Variants in PRLR observed in about 807,000 individuals in gnomAD.
PRLR encodes prolactin receptor, also known as hPRL receptor.
A neutral mutation model predicts 40.2 loss-of-function variants in PRLR; 13 were observed. The ratio of observed to expected loss-of-function variants is 0.32; its 90% CI spans 0.21 to 0.51. The LOEUF is 0.51. PRLR is among the 20% of genes least tolerant of loss of function. The pLI is 0.97. For synonymous variants in PRLR, 269 were observed against 278.7 expected (o/e 0.97, Z 0.35); for missense variants, 656 against 747.3 (o/e 0.88, Z 1.42).
intron 1 of PRLR, among the ~76,000 whole-genome samples, chr5:35,220,060 C>T (rs999521065): frequency 2.6e-5 from 4 of 152,128 alleles, no homozygotes; most frequent in African/African-American, 7.2e-5. Context: ...CTTGTACTTC[C>T]GATCAGCCTC....
intron 1 of PRLR, among the ~76,000 whole-genome samples, chr5:35,145,024 G>A (rs886932842): frequency 1.3e-5 from 2 of 152,154 alleles, no homozygotes; most frequent in African/African-American, 4.8e-5. Flanking sequence ...AATATATTAG[G>A]AGAATGGTGC....
chr5:35,155,337 G>T (rs1282147809), intron 1 of PRLR, among the ~76,000 whole-genome samples: 2 of 152,044 alleles, frequency 1.3e-5, no homozygotes, highest in Non-Finnish European at 2.9e-5. Context: ...CTGAGGTGAG[G>T]TGTGTGGCCA....
intron 1 of PRLR, chr5:35,194,957 A>G (rs1299641618): frequency 6.6e-6 from 1 of 152,226 alleles, no homozygotes; most frequent in East Asian, 1.9e-4. Context: ...TAAACATACC[A>G]CACGAACATA....
chr5:35,228,754 G>T (rs1327692909), intron 1 of PRLR, among the ~76,000 whole-genome samples: 1 of 152,164 alleles, frequency 6.6e-6, no homozygotes, highest in South Asian at 2.1e-4. Context: ...CATGACAGGG[G>T]AGCTGTCTCC....
chr5:35,049,189 G>A (rs893081937), exon 9 of PRLR: 2 of 700,538 alleles, frequency 2.9e-6, no homozygotes, highest in African/African-American at 3.5e-5. Context: ...TGAGGCCAGT[G>A]GACACACAGC....
At chr5:35,132,097 C>T (rs560081768) in intron 1 of PRLR, among the ~76,000 whole-genome samples, 140 of 152,238 alleles carry the variant, frequency 9.2e-4, no homozygotes, top group African/African-American at 3.2e-3. Context: ...TAGCATGTAT[C>T]CCCAGAAAAG....
rs1768844822 is a variant in PRLR at position 35,058,469 on chromosome 5, GCTGA to G, written c.*6616_*6619del. The stretch of plus-strand genomic sequence containing the variant: ...CAGTCACATGAAACAAAGCCGAGAG[GCTGA>G]CTTTCAAACAACTGTTGGATTGTAC... On this transcript the variant is annotated 3_prime_UTR_variant, in exon 10 of 10. Transcript: ENST00000618457. 3 of 152,318 alleles carry G rather than the reference GCTGA, an allele frequency of 2.0e-5. 1 individual carries two copies. The highest frequency in any genetic ancestry group is 4.1e-4 in the South Asian group (2 of 4,830). The allele number at this position is 152,318 out of a possible 1,614,324, so 9.4% of individuals were successfully genotyped here.
At chr5:35,092,466 C>G (rs150759548) in intron 2 of PRLR, among the ~76,000 whole-genome samples, 6 of 152,342 alleles carry the variant, frequency 3.9e-5, no homozygotes, top group African/African-American at 1.2e-4. Context: ...CAAGGAGATG[C>G]TTCTCAGCAC....
chr5:35,170,578 T>C (rs534304253), intron 1 of PRLR, among the ~76,000 whole-genome samples: 10 of 152,212 alleles, frequency 6.6e-5, no homozygotes, highest in African/African-American at 2.4e-4. Context: ...GGTGGGAGGA[T>C]TGTTTGAGCC....
At chr5:35,180,637 C>A (rs1775272018) in intron 1 of PRLR, among the ~76,000 whole-genome samples, 1 of 151,890 alleles carries the variant, frequency 6.6e-6, no homozygotes, top group African/African-American at 2.4e-5. Context: ...GCACAACGTG[C>A]AGGTTTGTTA....
rs1440640564 is a variant in PRLR, at chr5:35,064,105, C to T, written c.*984G>A. The T allele has an allele frequency of 3.3e-5, 5 of 152,088 alleles. No individual in the cohort carries two copies. Among genetic ancestry groups the T allele is most frequent in the Admixed American group, 1.3e-4 (2 of 15,262 alleles). The allele number at this position is 152,088 out of a possible 1,614,324, so 9.4% of individuals were successfully genotyped here. On this transcript the variant is annotated 3_prime_UTR_variant, in exon 10 of 10. Coordinates refer to ENST00000618457, the MANE Select transcript of PRLR (RefSeq NM_000949.7). ...CTTGCAGCAGAAAATACTGTACCCA[C>T]TGAATACATAAACAGCTGTACTGGG...
chr5:35,174,892 C>T (rs757863062), intron 1 of PRLR, among the ~76,000 whole-genome samples: 50 of 152,220 alleles, frequency 3.3e-4, no homozygotes, highest in Admixed American at 2.6e-3. Flanking sequence ...TTCTGGCTCA[C>T]ACTTGACAAG....
chr5:35,078,040 GA>G (rs1245281939), intron 5 of PRLR, among the ~76,000 whole-genome samples: 1 of 152,174 alleles, frequency 6.6e-6, no homozygotes, highest in Non-Finnish European at 1.5e-5. Flanking sequence ...GAATCTCTGG[GA>G]CACATTTAAA....
Position 35,060,885 on chromosome 5 carries a change from A to G in PRLR, c.*4204T>C, listed in dbSNP as rs867594962. The G allele has an allele frequency of 5.3e-5, 8 of 152,218 alleles. No homozygotes were observed. Among genetic ancestry groups the G allele is most frequent in the Non-Finnish European group, 8.8e-5 (6 of 68,038 alleles). The allele number at this position is 152,218 out of a possible 1,614,324, so 9.4% of individuals were successfully genotyped here. On this transcript the variant is annotated 3_prime_UTR_variant, in exon 10 of 10. Transcript: ENST00000618457. ...GCCAATGACATTCAAAAATGTATCA[A>G]TAAGTTTTGGTATGGAGAGTCTCAA... is the stretch of plus-strand genomic sequence containing the variant.
chr5:35,069,828 A>C (rs1011753166), intron 7 of PRLR, among the ~76,000 whole-genome samples: 4 of 152,208 alleles, frequency 2.6e-5, no homozygotes, highest in African/African-American at 9.6e-5. Flanking sequence ...CCTTGACCAA[A>C]TCCTCTAAAT....
chr5:35,146,644 G>A (rs1479248702), intron 1 of PRLR, among the ~76,000 whole-genome samples: 2 of 152,202 alleles, frequency 1.3e-5, no homozygotes, highest in Non-Finnish European at 2.9e-5. Context: ...GTTTAGAAAT[G>A]TGGAGACTTA....
At chr5:35,194,767 G>C (rs1775691385) in intron 1 of PRLR, among the ~76,000 whole-genome samples, 1 of 152,196 alleles carries the variant, frequency 6.6e-6, no homozygotes, top group Non-Finnish European at 1.5e-5. Flanking sequence ...GAGATTTGCA[G>C]GAAGGAAGGG....
In PRLR at chr5:35,065,937, T is replaced by C. The variant is rs762383500; in HGVS notation, c.1021A>G (p.Thr341Ala). Residue 341 changes from threonine (T) to alanine (A), a missense_variant, in exon 10 of 10, where the codon ACA (threonine) becomes GCA (alanine). By Grantham distance (58) the Thr-to-Ala change is moderately conservative. Around this residue, in one of 3 missense-constraint regions of PRLR, gnomAD observed 469 missense variants for 491.5 expected, o/e 0.95. Coordinates refer to ENST00000618457, the MANE Select transcript of PRLR (RefSeq NM_000949.7). ...GAGTCAGTGTCAGGATCCAGGTATG[T>C]GGGTTTCATACCTTGACTTGGGTGT... ...KEHPSQGMKP[T>A]YLDPDTDSGR... 17 of 1,614,042 alleles carry C rather than the reference T, an allele frequency of 1.1e-5. No homozygotes were observed. Among genetic ancestry groups the C allele is most frequent in the Non-Finnish European group, 1.4e-5 (17 of 1,180,024 alleles).
intron 5 of PRLR, among the ~76,000 whole-genome samples, chr5:35,083,083 AC>A (rs1374961128): frequency 4.9e-4 from 74 of 151,866 alleles, no homozygotes; most frequent in African/African-American, 1.7e-3. Flanking sequence ...ACACACACAC[AC>A]ACACACACAC....
Sources: gnomAD v4.1 joint callset for allele counts (sites outside exome capture counted in the v4.1 genomes callset) on GRCh38, gnomAD v4.1.1 for gene constraint, gnomAD v4.1.1 regional missense constraint, MANE v1.5 for transcripts, NCBI Gene and HGNC (gene_info 2026-07-23, HGNC 2026-07-21) for gene names.